Variants in CYP2F1 observed in about 807,000 individuals in gnomAD.
CYP2F1 encodes cytochrome P450 family 2 subfamily F member 1, also known as cytochrome P450 2F1.
CYP2F1 carries 33 observed loss-of-function variants against 40.4 expected under a neutral mutation model. The ratio of observed to expected loss-of-function variants is 0.82; its 90% CI spans 0.62 to 1.09. The LOEUF is 1.09. Ranked by LOEUF, CYP2F1 falls within the 50% of genes least tolerant of loss-of-function variation. The pLI is 0.00. For missense variants in CYP2F1, 566 were observed against 655.7 expected (o/e 0.86, Z 1.49); for synonymous variants, 235 against 277.2 (o/e 0.85, Z 1.51).
chr19:41,117,129 C>G (rs1176691163), intron 3 of CYP2F1, among the ~76,000 whole-genome samples: 1 of 151,838 alleles, frequency 6.6e-6, no homozygotes, highest in Non-Finnish European at 1.5e-5. Context: ...TTTAGTCAAA[C>G]TGAATTTTTT....
chr19:41,116,512 G>T lies in CYP2F1; in HGVS notation c.229G>T (p.Val77Phe). The T allele has an allele frequency of 6.2e-7, 1 of 1,614,010 alleles. No individual in the cohort carries two copies. Among genetic ancestry groups the T allele is most frequent in the South Asian group, 1.1e-5 (1 of 91,070 alleles). The change falls in exon 3 of 10, where the codon GTC becomes TTC. Residue 77 changes from valine to phenylalanine, a missense_variant. By Grantham distance (50) the Val-to-Phe change is conservative (BLOSUM62 -1). Transcript: ENST00000331105. ...TVHLGPRRVV[V>F]LSGYQAVKEA... ...GCACCTGGGACCCAGGCGGGTGGTG[G>T]TCCTCAGCGGGTACCAAGCTGTGAA...
In CYP2F1 at chr19:41,128,141, C is replaced by T. The variant is rs1382932490; in HGVS notation, c.*59C>T. 34 of 1,519,834 alleles carry T rather than the reference C, an allele frequency of 2.2e-5. No individual in the cohort carries two copies. The highest frequency in any genetic ancestry group is 3.7e-5 in the South Asian group (3 of 81,758). 94.1% of individuals were successfully genotyped at this position (1,519,834 alleles called of 1,614,324 possible). On this transcript the variant is annotated 3_prime_UTR_variant, in exon 10 of 10. Transcript: ENST00000331105. ...TGAGGCCCGCCCATGCGGGTTGCTA[C>T]GTCCCCTTCTTGGTCCACAGTCTGC...
At chr19:41,124,693 G>C in intron 7 of CYP2F1, 26 bp from the exon 8 acceptor site, 1 of 1,592,018 alleles carries the variant, frequency 6.3e-7, no homozygotes, top group South Asian at 1.1e-5. Flanking sequence ...TGATACCCTC[G>C]ACCCCGCTTC....
chr19:41,117,366 A>G (rs139542903), intron 3 of CYP2F1, among the ~76,000 whole-genome samples: 1 of 151,982 alleles, frequency 6.6e-6, no homozygotes, highest in Non-Finnish European at 1.5e-5. Context: ...TCCTAACCTC[A>G]GGTGATCCAC....
At position 41,120,123 on chromosome 19, in the gene CYP2F1, G is replaced by A. The variant is rs1188669438; in HGVS notation, c.335-224G>A. On this transcript the variant is annotated intron_variant, in intron 3 of 9. Coordinates refer to ENST00000331105, the MANE Select transcript of CYP2F1 (RefSeq NM_000774.5). ...GCCCAGAGTGATCAGGTTCTTAATG[G>A]GGAAACAGAGGCAGAGTGATAGGAT... 2.6e-5 allele frequency among the ~76,000 whole-genome samples: 4 copies of A among 152,046 alleles called. No individual in the cohort carries two copies. The East Asian group carries it at 7.8e-4, about 30-fold the overall frequency.
intron 3 of CYP2F1, among the ~76,000 whole-genome samples, chr19:41,119,508 G>A (rs934637979): frequency 6.6e-6 from 1 of 151,660 alleles, no homozygotes; most frequent in African/African-American, 2.4e-5. Flanking sequence ...CAGCACTGTG[G>A]GAGGCCAAGA....
Position 41,121,518 on chromosome 19 carries a change from T to C in CYP2F1, c.545T>C (p.Val182Ala), listed in dbSNP as rs1040696783. 1.9e-5 allele frequency: 31 copies of C among 1,609,768 alleles called. No homozygotes were observed. Among genetic ancestry groups the C allele is most frequent in the Non-Finnish European group, 2.5e-5 (29 of 1,179,704 alleles). Residue 182 changes from valine (V) to alanine (A), a missense_variant, in exon 5 of 10, where the codon GTG becomes GCG. Around this residue, in one of 5 missense-constraint regions of CYP2F1, gnomAD observed 264 missense variants for 275.7 expected, o/e 0.96. Transcript: ENST00000331105. ...TCAGTGTCCAACATTATCTGTTCCG[T>C]GCTCTTCGGCAGCCGCTTCGACTAT... ...SRSVSNIICS[V>A]LFGSRFDYDD... is the part of the protein sequence containing the mutation.
intron 9 of CYP2F1, among the ~76,000 whole-genome samples, chr19:41,126,692 T>C (rs1439147631): frequency 6.6e-6 from 1 of 151,780 alleles, no homozygotes; most frequent in Non-Finnish European, 1.5e-5. Context: ...AGTTTGAGGT[T>C]ACAGTGAGTA....
At chr19:41,119,046 T>C (rs898770901) in intron 3 of CYP2F1, among the ~76,000 whole-genome samples, 5 of 151,918 alleles carry the variant, frequency 3.3e-5, no homozygotes, top group African/African-American at 1.2e-4. Context: ...CCTGGGGAGC[T>C]ATGGAAACCC....
intron 1 of CYP2F1, among the ~76,000 whole-genome samples, chr19:41,115,871 C>A (rs138849630): frequency 1.3e-5 from 2 of 151,954 alleles, no homozygotes; most frequent in South Asian, 4.2e-4. Flanking sequence ...ATATGTAGAT[C>A]GCTCACTGTT....
At chr19:41,124,262 T>C in intron 7 of CYP2F1, among the ~76,000 whole-genome samples, 1 of 108,514 alleles carries the variant, frequency 9.2e-6, no homozygotes, top group Non-Finnish European at 1.9e-5. Context: ...CCCCTTTTTT[T>C]TTTTTTTTTT....
At chr19:41,115,380 T>C (rs1281824989) in intron 1 of CYP2F1, among the ~76,000 whole-genome samples, 1 of 152,154 alleles carries the variant, frequency 6.6e-6, no homozygotes, top group Non-Finnish European at 1.5e-5. Flanking sequence ...GTCTGTCTAG[T>C]TCTGTCTCTT....
intron 4 of CYP2F1, among the ~76,000 whole-genome samples, 193 bp downstream of exon 4, chr19:41,120,689 C>T (rs971518735): frequency 6.6e-6 from 1 of 152,098 alleles, no homozygotes; most frequent in East Asian, 1.9e-4. Flanking sequence ...ACTATGTTGC[C>T]CAGGCCAGTC....
chr19:41,122,034 G>C lies in CYP2F1; in HGVS notation c.723G>C (p.Leu241=). 1 of 1,612,758 alleles carries C rather than the reference G, an allele frequency of 6.2e-7. No individual in the cohort carries two copies. Among genetic ancestry groups the C allele is most frequent in the Non-Finnish European group, 8.5e-7 (1 of 1,179,666 alleles). The part of the protein sequence containing the change: ...HQRIFQNFKC[L]RDLIAHSVHD... ...GCATCTTCCAGAACTTCAAGTGCCT[G>C]AGAGACCTCATCGCCCACAGCGTCC... The change falls in exon 6 of 10, where the codon CTG becomes CTC. Residue 241 remains leucine, a synonymous_variant. Coordinates refer to ENST00000331105, the MANE Select transcript of CYP2F1 (RefSeq NM_000774.5).
intron 3 of CYP2F1, among the ~76,000 whole-genome samples, chr19:41,117,224 A>T (rs2031872268): frequency 6.6e-6 from 1 of 151,916 alleles, no homozygotes. Flanking sequence ...TCTGCCTCCC[A>T]GGCTCATGCG....
chr19:41,119,872 C>T (rs184982769), intron 3 of CYP2F1, among the ~76,000 whole-genome samples: 57 of 150,734 alleles, frequency 3.8e-4, no homozygotes, highest in Middle Eastern at 6.8e-3. Flanking sequence ...ACCCGGGAGG[C>T]GGAGGGTGCA....
At chr19:41,119,678 A>C (rs2032025511) in intron 3 of CYP2F1, among the ~76,000 whole-genome samples, 1 of 58,432 alleles carries the variant, frequency 1.7e-5, no homozygotes, top group Non-Finnish European at 3.4e-5. Flanking sequence ...ACAGAGCAAG[A>C]CTCCGTCTCT....
chr19:41,115,372 C>A (rs2031731480), intron 1 of CYP2F1, among the ~76,000 whole-genome samples: 2 of 152,144 alleles, frequency 1.3e-5, no homozygotes, highest in South Asian at 4.1e-4. Context: ...AGCTCTGTGT[C>A]TGTCTAGTTC....
At position 41,116,228 on chromosome 19, in the gene CYP2F1, GCTCTCGTCTGT is replaced by G. The variant is rs756517472; in HGVS notation, c.43_53del (p.Leu15AlafsTer9). 1 of 1,613,970 alleles carries G rather than the reference GCTCTCGTCTGT, an allele frequency of 6.2e-7. No homozygotes were observed. ...CACAGCCATCTTACTCCTGCTCCTG[GCTCTCGTCTGT>G]CTGCTCCTGACCCTAAGCTCAAGAG... is the stretch of plus-strand genomic sequence containing the variant. On this transcript the variant is annotated frameshift_variant, in exon 2 of 10. Transcript: ENST00000331105. LOFTEE classifies it high-confidence loss of function.
Sources: gnomAD v4.1 joint callset for allele counts (sites outside exome capture counted in the v4.1 genomes callset) on GRCh38, gnomAD v4.1.1 for gene constraint, gnomAD v4.1.1 regional missense constraint, MANE v1.5 for transcripts, NCBI Gene and HGNC (gene_info 2026-07-23, HGNC 2026-07-21) for gene names.